IMMP2L: variants seen among roughly 807,000 people sequenced by gnomAD.
IMMP2L encodes inner mitochondrial membrane peptidase subunit 2, also known as mitochondrial inner membrane protease subunit 2.
In IMMP2L, 18 loss-of-function variants were observed where a neutral mutation model predicts 19.3. The ratio of observed to expected loss-of-function variants is 0.93; its 90% CI spans 0.64 to 1.38. The LOEUF (loss-of-function observed/expected upper bound fraction) is 1.38. Among genes scored for constraint, IMMP2L ranks in the 40% most tolerant of loss-of-function variants. The pLI, the probability that IMMP2L is intolerant of heterozygous loss-of-function variation, is 0.00. For synonymous variants in IMMP2L, 76 were observed against 73.0 expected, an observed-to-expected ratio of 1.04 and a Z score of -0.21; for missense variants, 233 against 218.2, an observed-to-expected ratio of 1.07 and a Z score of -0.43.
At chr7:110,665,762 T>G (rs539216144) in intron 5 of IMMP2L, among the ~76,000 whole-genome samples, 2 of 152,180 alleles carry the variant, frequency 1.3e-5, no homozygotes, top group African/African-American at 4.8e-5. Flanking sequence ...AAGGCAATAT[T>G]GACTAGATTT....
At chr7:111,092,664 G>C in intron 3 of IMMP2L, among the ~76,000 whole-genome samples, 1 of 152,138 alleles carries the variant, frequency 6.6e-6, no homozygotes, top group African/African-American at 2.4e-5. Context: ...GAGCATCCAT[G>C]TATTGATGAT....
At chr7:111,139,209 C>A (rs930530624) in intron 3 of IMMP2L, among the ~76,000 whole-genome samples, 2 of 151,858 alleles carry the variant, frequency 1.3e-5, no homozygotes, top group Non-Finnish European at 2.9e-5. Flanking sequence ...AACAAAAGAT[C>A]TAAATTAAGA....
At chr7:111,427,011 A>G (rs1271429223) in intron 3 of IMMP2L, among the ~76,000 whole-genome samples, 2 of 151,116 alleles carry the variant, frequency 1.3e-5, no homozygotes, top group Non-Finnish European at 3.0e-5. Flanking sequence ...TCATAGTCTC[A>G]TTGCATTACT....
At chr7:110,736,096 TC>T (rs1467304322) in intron 5 of IMMP2L, among the ~76,000 whole-genome samples, 1 of 152,084 alleles carries the variant, frequency 6.6e-6, no homozygotes, top group African/African-American at 2.4e-5. Flanking sequence ...CAGCTGTGGC[TC>T]AAGTAGGCCC....
chr7:110,962,574 G>A (rs555208402), intron 4 of IMMP2L: 1 of 229,312 alleles, frequency 4.4e-6, no homozygotes, highest in East Asian at 1.8e-4. Context: ...ACACTCACAA[G>A]AGAATGAGAG....
intron 5 of IMMP2L, among the ~76,000 whole-genome samples, chr7:110,814,594 T>C (rs1390346270): frequency 1.3e-5 from 2 of 150,562 alleles, no homozygotes; most frequent in African/African-American, 4.9e-5. Flanking sequence ...ACCTGATTTC[T>C]TTTTCTTTTT....
intron 3 of IMMP2L, among the ~76,000 whole-genome samples, chr7:111,433,036 A>G (rs953469774): frequency 6.6e-6 from 1 of 151,710 alleles, no homozygotes; most frequent in African/African-American, 2.4e-5. Context: ...GTCAATTCTC[A>G]TGCTGCTATG....
chr7:111,496,384 G>T (rs1843595599), intron 2 of IMMP2L, among the ~76,000 whole-genome samples: 1 of 151,978 alleles, frequency 6.6e-6, no homozygotes, highest in African/African-American at 2.4e-5. Flanking sequence ...TTAATTTTAG[G>T]TGTCAACTTG....
chr7:111,043,838 A>G (rs2129571389), intron 3 of IMMP2L, among the ~76,000 whole-genome samples: 1 of 152,356 alleles, frequency 6.6e-6, no homozygotes, highest in East Asian at 1.9e-4. Context: ...ACAGTTGTGG[A>G]CAGGAATATT....
intron 5 of IMMP2L, among the ~76,000 whole-genome samples, chr7:110,815,260 G>C (rs2131296015): frequency 6.6e-6 from 1 of 152,172 alleles, no homozygotes; most frequent in East Asian, 1.9e-4. Context: ...TTATATGCTG[G>C]ATTACATTTA....
intron 3 of IMMP2L, among the ~76,000 whole-genome samples, chr7:111,194,566 A>C (rs1809267398): frequency 6.6e-6 from 1 of 152,152 alleles, no homozygotes. Flanking sequence ...TTTATCACAA[A>C]AGCCACTACC....
chr7:111,157,653 TA>T (rs1365495822), intron 3 of IMMP2L, among the ~76,000 whole-genome samples: 1 of 152,116 alleles, frequency 6.6e-6, no homozygotes. Context: ...TAAGATTTAG[TA>T]TTTGATGATA....
chr7:110,816,761 C>T (rs1782796590), intron 5 of IMMP2L, among the ~76,000 whole-genome samples: 1 of 150,968 alleles, frequency 6.6e-6, no homozygotes, highest in African/African-American at 2.4e-5. Flanking sequence ...GGTTTAAAGT[C>T]TGTTTTATCA....
At chr7:111,086,917 T>G (rs1017015327) in intron 3 of IMMP2L, among the ~76,000 whole-genome samples, 3 of 152,310 alleles carry the variant, frequency 2.0e-5, no homozygotes, top group African/African-American at 7.2e-5. Context: ...AAAATAGTAT[T>G]TTATTTTTGG....
chr7:111,168,272 T>TC, intron 3 of IMMP2L, among the ~76,000 whole-genome samples: 1 of 151,980 alleles, frequency 6.6e-6, no homozygotes, highest in Middle Eastern at 3.4e-3. Context: ...CTTGTGGGCT[T>TC]TAAGTTCTGT....
chr7:111,165,492 T>C (rs1805720117), intron 3 of IMMP2L, among the ~76,000 whole-genome samples: 1 of 152,082 alleles, frequency 6.6e-6, no homozygotes, highest in South Asian at 2.1e-4. Context: ...TTTGAGGAAA[T>C]GCCATACTAT....
At chr7:111,356,699 C>T (rs1226517104) in intron 3 of IMMP2L, among the ~76,000 whole-genome samples, 1 of 152,064 alleles carries the variant, frequency 6.6e-6, no homozygotes, top group African/African-American at 2.4e-5. Context: ...AAAGAATTGA[C>T]AATTTTATAG....
In IMMP2L at chr7:111,115,082, G is replaced by A. The variant is rs1799715699; in HGVS notation, c.240-151517C>T. Among the ~76,000 whole-genome samples the A allele has an allele frequency of 2.0e-5, 3 of 152,094 alleles. No individual in the cohort carries two copies. In the South Asian group the frequency reaches 6.2e-4, roughly 32 times the overall value. ...AATATTAAGGATAATGAATAAATGA[G>A]TGTTTTTCCCAGAGAGACCTACATT... On this transcript the variant is annotated intron_variant, in intron 3 of 5. Coordinates refer to ENST00000405709, the MANE Select transcript of IMMP2L (RefSeq NM_032549.4).
In IMMP2L at chr7:111,005,532, C is replaced by T. The variant is rs548643201; in HGVS notation, c.240-41967G>A. 2.6e-5 allele frequency among the ~76,000 whole-genome samples: 4 copies of T among 152,212 alleles called. No homozygotes were observed. The East Asian group carries it at 7.7e-4, about 29-fold the overall frequency. On this transcript the variant is annotated intron_variant, in intron 3 of 5. Coordinates refer to ENST00000405709, the MANE Select transcript of IMMP2L (RefSeq NM_032549.4). ...TCACTAATCTGTGTAACAACTAGTC[C>T]AACATCTGTTGATCTCATGCAATCA...
Sources: allele counts gnomAD v4.1 joint callset (sites outside exome capture counted in the v4.1 genomes callset), GRCh38; gene constraint gnomAD v4.1.1; transcripts MANE v1.5; gene names NCBI Gene and HGNC (gene_info 2026-07-23, HGNC 2026-07-21).